Variants in GRM3 observed in about 807,000 individuals in gnomAD.
The protein encoded by GRM3 is metabotropic glutamate receptor 3.
GRM3 carries 26 observed loss-of-function variants against 70.5 expected under a neutral mutation model. That is an observed-to-expected ratio of 0.37 (90% CI 0.27 to 0.51). The LOEUF (loss-of-function observed/expected upper bound fraction) is 0.51. GRM3 is among the 20% of genes least tolerant of loss of function. GRM3 has a pLI of 0.93. For synonymous variants in GRM3, 443 were observed against 434.9 expected (o/e 1.02, Z -0.23); for missense variants, 859 against 1,123.8 (o/e 0.76, Z 3.37).
At chr7:86,694,618 G>GA (rs968650662) in intron 1 of GRM3, among the ~76,000 whole-genome samples, 6 of 150,958 alleles carry the variant, frequency 4.0e-5, no homozygotes, top group Admixed American at 2.0e-4. Flanking sequence ...AAGTTTGAGG[G>GA]AAAAAAAAGA....
chr7:86,860,251 T>C (rs1392784666), intron 5 of GRM3, among the ~76,000 whole-genome samples: 1 of 152,168 alleles, frequency 6.6e-6, no homozygotes, highest in African/African-American at 2.4e-5. Flanking sequence ...ACAGAAATGA[T>C]AGTACTTTGC....
At chr7:86,661,106 C>G (rs1793881240) in intron 1 of GRM3, among the ~76,000 whole-genome samples, 1 of 151,900 alleles carries the variant, frequency 6.6e-6, no homozygotes. Flanking sequence ...AAAAATCAGT[C>G]AATAAAGTCT....
intron 2 of GRM3, among the ~76,000 whole-genome samples, chr7:86,770,819 T>C (rs775896397): frequency 5.3e-5 from 8 of 152,140 alleles, no homozygotes; most frequent in Non-Finnish European, 1.2e-4. Flanking sequence ...GACAGCTGAA[T>C]GGAAACAAGT....
intron 4 of GRM3, among the ~76,000 whole-genome samples, chr7:86,843,874 C>A (rs76395806): frequency 3.9e-5 from 6 of 152,060 alleles, no homozygotes; most frequent in Non-Finnish European, 8.8e-5. Context: ...CCTTGAAAAG[C>A]GGGTTACTGC....
intron 4 of GRM3, among the ~76,000 whole-genome samples, chr7:86,847,721 G>C (rs1562881548): frequency 6.6e-6 from 1 of 152,126 alleles, no homozygotes; most frequent in South Asian, 2.1e-4. Context: ...GCATTGCTGC[G>C]AGTTCGACAA....
At chr7:86,740,868 T>G (rs1221939253) in intron 1 of GRM3, among the ~76,000 whole-genome samples, 1 of 152,218 alleles carries the variant, frequency 6.6e-6, no homozygotes, top group Non-Finnish European at 1.5e-5. Flanking sequence ...ATATCCATTT[T>G]TTTCCTGTGG....
chr7:86,768,369 G>T (rs1371364193), intron 2 of GRM3, among the ~76,000 whole-genome samples: 1 of 152,172 alleles, frequency 6.6e-6, no homozygotes, highest in East Asian at 1.9e-4. Flanking sequence ...TGGTTAATCA[G>T]CAAGTCAGTC....
intron 2 of GRM3, among the ~76,000 whole-genome samples, chr7:86,783,647 GAGAA>G (rs1268348680): frequency 1.3e-5 from 2 of 152,110 alleles, no homozygotes; most frequent in Non-Finnish European, 2.9e-5. Flanking sequence ...GGATGAGAAA[GAGAA>G]AGGAGAGAGA....
intron 2 of GRM3, among the ~76,000 whole-genome samples, chr7:86,766,787 A>G (rs184150994): frequency 1.3e-5 from 2 of 152,314 alleles, no homozygotes; most frequent in African/African-American, 4.8e-5. Context: ...AATTACTATA[A>G]TCAAAGCCCC....
At chr7:86,647,066 A>C (rs1206747541) in intron 1 of GRM3, among the ~76,000 whole-genome samples, 1 of 152,226 alleles carries the variant, frequency 6.6e-6, no homozygotes, top group Non-Finnish European at 1.5e-5. Flanking sequence ...TGAAATTAAT[A>C]TTTGTATTGA....
chr7:86,836,294 G>A (rs559306895), intron 3 of GRM3, among the ~76,000 whole-genome samples: 1 of 152,018 alleles, frequency 6.6e-6, no homozygotes, highest in Non-Finnish European at 1.5e-5. Flanking sequence ...CTATGAATTT[G>A]CTCTAAGTAA....
intron 2 of GRM3, among the ~76,000 whole-genome samples, chr7:86,771,091 T>C (rs569751194): frequency 1.3e-5 from 2 of 152,204 alleles, no homozygotes; most frequent in East Asian, 3.9e-4. Context: ...AAGGAAGACT[T>C]CTTAAAAAGG....
intron 3 of GRM3, among the ~76,000 whole-genome samples, chr7:86,787,323 T>C (rs547744665): frequency 6.6e-6 from 1 of 152,200 alleles, no homozygotes; most frequent in Non-Finnish European, 1.5e-5. Flanking sequence ...GTACACGACA[T>C]GGCAATGAAA....
intron 1 of GRM3, among the ~76,000 whole-genome samples, chr7:86,650,329 C>T (rs927711910): frequency 6.7e-6 from 1 of 149,980 alleles, no homozygotes; most frequent in African/African-American, 2.5e-5. Context: ...TCTTTACTAC[C>T]AATATTGCCT....
Position 86,839,979 on chromosome 7 carries a change from C to A in GRM3, c.2391+74C>A. Reference sequence around the variant, plus strand: ...TTTCTTGTGTAGTATTTAAAATAGACTCCTTTTATTTCATCTCAACGAGTT... The same window carrying A: ...TTTCTTGTGTAGTATTTAAAATAGAATCCTTTTATTTCATCTCAACGAGTT... On this transcript the variant is annotated intron_variant, in intron 4 of 5. Transcript: ENST00000361669. This position sits in a 1 kb window ranked among gnomAD's most constrained non-coding sequence, Gnocchi z 4.5. 2 of 830,474 alleles carry A rather than the reference C, an allele frequency of 2.4e-6. No individual in the cohort carries two copies. The highest frequency in any genetic ancestry group is 3.2e-5 in the South Asian group (2 of 62,344). 51.4% of individuals were successfully genotyped at this position (830,474 alleles called of 1,614,324 possible). A position where few individuals can be genotyped will look rare whatever the true frequency, so the allele number is the denominator to read the frequency against.
At chr7:86,760,659 T>A (rs1012589926) in intron 1 of GRM3, among the ~76,000 whole-genome samples, 5 of 152,166 alleles carry the variant, frequency 3.3e-5, no homozygotes, top group African/African-American at 1.2e-4. Flanking sequence ...TTACTTTTTT[T>A]TTTAACTTTC....
At chr7:86,720,086 G>A (rs1795421062) in intron 1 of GRM3, among the ~76,000 whole-genome samples, 1 of 152,054 alleles carries the variant, frequency 6.6e-6, no homozygotes, top group Admixed American at 6.6e-5. Flanking sequence ...AGTTATCACA[G>A]TAGTCCAAAG....
At chr7:86,836,586 G>A (rs1050632294) in intron 3 of GRM3, among the ~76,000 whole-genome samples, 3 of 152,130 alleles carry the variant, frequency 2.0e-5, no homozygotes, top group African/African-American at 4.8e-5. Flanking sequence ...CAGAAGTGAG[G>A]TTTGGATAAA....
Position 86,690,213 on chromosome 7 carries a change from G to A in GRM3, c.-141+45341G>A, listed in dbSNP as rs566503618. Among the ~76,000 whole-genome samples, 73 of 152,182 alleles carry A rather than the reference G, an allele frequency of 4.8e-4. No homozygotes were observed. In the South Asian group the frequency reaches 5.6e-3, roughly 12 times the overall value. ...GAGGGATCAGGCCTGGAGTTAGGAG[G>A]GAAATTACAGTTTCCAAGAACTGAA... On this transcript the variant is annotated intron_variant, in intron 1 of 5. Transcript: ENST00000361669.
Sources: gnomAD v4.1 joint callset for allele counts (sites outside exome capture counted in the v4.1 genomes callset) on GRCh38, gnomAD v4.1.1 for gene constraint, Gnocchi (gnomAD v3.1) non-coding constraint, MANE v1.5 for transcripts, NCBI Gene and HGNC (gene_info 2026-07-23, HGNC 2026-07-21) for gene names.